Variants in CDH12 observed in about 807,000 individuals in gnomAD.
CDH12 encodes the protein cadherin 12, also known as cadherin-12.
CDH12 carries 41 observed loss-of-function variants against 74.1 expected under a neutral mutation model. That is an observed-to-expected ratio of 0.55 (90% CI 0.43 to 0.72). The LOEUF (loss-of-function observed/expected upper bound fraction) is 0.72. Among genes scored for constraint, CDH12 ranks in the 30% least tolerant of loss-of-function variants. The pLI, the probability that CDH12 is intolerant of heterozygous loss-of-function variation, is 0.00. For synonymous variants in CDH12, 399 were observed against 355.0 expected, an observed-to-expected ratio of 1.12 and a Z score of -1.39; for missense variants, 945 against 977.2, an observed-to-expected ratio of 0.97 and a Z score of 0.44.
chr5:22,103,150 C>T (rs1744244701), intron 4 of CDH12, among the ~76,000 whole-genome samples: 1 of 152,176 alleles, frequency 6.6e-6, no homozygotes, highest in East Asian at 1.9e-4. Flanking sequence ...AAAAGCCATA[C>T]TACCATGACA....
intron 5 of CDH12, among the ~76,000 whole-genome samples, chr5:22,001,109 T>C (rs1736577641): frequency 6.6e-6 from 1 of 152,180 alleles, no homozygotes; most frequent in South Asian, 2.1e-4. Flanking sequence ...CATTAATTGT[T>C]GTAGCTTTCA....
At chr5:22,847,928 G>C (rs959980990) in intron 1 of CDH12, among the ~76,000 whole-genome samples, 3 of 151,254 alleles carry the variant, frequency 2.0e-5, no homozygotes, top group African/African-American at 7.3e-5. Context: ...CTGTCGCCCA[G>C]GCTGGAGAGC....
At chr5:22,835,891 G>A (rs903820099) in intron 1 of CDH12, among the ~76,000 whole-genome samples, 1 of 152,062 alleles carries the variant, frequency 6.6e-6, no homozygotes, top group Non-Finnish European at 1.5e-5. Context: ...TCTCCTTCAG[G>A]GAAGTGATTG....
intron 2 of CDH12, among the ~76,000 whole-genome samples, chr5:22,443,031 C>G: frequency 6.6e-6 from 1 of 152,080 alleles, no homozygotes; most frequent in East Asian, 1.9e-4. Context: ...CAGGTTCATT[C>G]AAGAAGAACA....
intron 5 of CDH12, among the ~76,000 whole-genome samples, chr5:22,005,287 C>A (rs892483608): frequency 2.4e-4 from 36 of 152,148 alleles, no homozygotes; most frequent in Non-Finnish European, 4.9e-4. Context: ...AGGTGATCCG[C>A]CCACCTCGGC....
At chr5:21,828,156 T>C (rs1357349046) in intron 8 of CDH12, among the ~76,000 whole-genome samples, 1 of 151,258 alleles carries the variant, frequency 6.6e-6, no homozygotes, top group Non-Finnish European at 1.5e-5. Context: ...GGAGTCTCAC[T>C]CTGTTGCCCA....
At chr5:21,880,580 C>CTTCCTTCCCTTCTTTCT (rs1752228422) in intron 6 of CDH12, among the ~76,000 whole-genome samples, 1 of 41,340 alleles carries the variant, frequency 2.4e-5, no homozygotes, top group African/African-American at 9.5e-5. Context: ...TCTTTCCTTC[C>CTTCCTTCCCTTCTTTCT]TTCCTTCCTT....
chr5:22,149,251 T>A (rs1747414797), intron 4 of CDH12, among the ~76,000 whole-genome samples: 1 of 152,336 alleles, frequency 6.6e-6, no homozygotes, highest in Non-Finnish European at 1.5e-5. Flanking sequence ...TACCAAGGAT[T>A]AGAATGTGAA....
chr5:21,963,265 T>C (rs377044738), intron 6 of CDH12, among the ~76,000 whole-genome samples: 338 of 152,216 alleles, frequency 2.2e-3, no homozygotes, highest in Non-Finnish European at 3.6e-3. Flanking sequence ...ACTGAATACC[T>C]AACAGGAAGT....
At chr5:22,490,511 A>G (rs1746816127) in intron 2 of CDH12, among the ~76,000 whole-genome samples, 1 of 152,122 alleles carries the variant, frequency 6.6e-6, no homozygotes, top group African/African-American at 2.4e-5. Context: ...GTGCTGATAA[A>G]TATCCCCCAT....
intron 3 of CDH12, among the ~76,000 whole-genome samples, chr5:22,370,724 G>C (rs534430031): frequency 2.0e-5 from 3 of 152,022 alleles, no homozygotes; most frequent in Non-Finnish European, 4.4e-5. Flanking sequence ...AGGAAACCTT[G>C]GTATGCTTGA....
At chr5:22,228,119 T>A (rs938601914) in intron 3 of CDH12, among the ~76,000 whole-genome samples, 3 of 152,098 alleles carry the variant, frequency 2.0e-5, no homozygotes, top group Non-Finnish European at 4.4e-5. Context: ...AGAATATTTA[T>A]GAAGACAAAA....
intron 3 of CDH12, among the ~76,000 whole-genome samples, chr5:22,333,171 A>T (rs932303941): frequency 1.3e-5 from 2 of 152,216 alleles, no homozygotes; most frequent in Admixed American, 1.3e-4. Flanking sequence ...TTGCAGGGAC[A>T]TGGATAAAGC....
At chr5:21,777,670 T>C (rs952846884) in intron 11 of CDH12, among the ~76,000 whole-genome samples, 2 of 152,226 alleles carry the variant, frequency 1.3e-5, no homozygotes, top group Non-Finnish European at 2.9e-5. Context: ...TTTGTGTTTT[T>C]AGTAGAGACA....
At chr5:22,730,239 C>T (rs994397597) in intron 1 of CDH12, among the ~76,000 whole-genome samples, 1 of 151,724 alleles carries the variant, frequency 6.6e-6, no homozygotes, top group African/African-American at 2.4e-5. Context: ...GAAATTAACT[C>T]ATTTTATCCT....
chr5:21,854,713 T>A lies in CDH12; in HGVS notation c.604A>T (p.Ile202Phe). The change falls in exon 7 of 15, where the codon ATT becomes TTT. Residue 202 changes from isoleucine to phenylalanine, a missense_variant. By Grantham distance (21) the Ile-to-Phe change is conservative. Transcript: ENST00000382254. ...GAGAAATAAGGTTGTCCCTGAAGAA[T>A]GCTGTAAACGACTCTGGCACTGTTT... Reference protein sequence around the residue: ...YGNSARVVYSILQGQPYFSID... With the variant: ...YGNSARVVYSFLQGQPYFSID... 1 of 1,587,932 alleles carries A rather than the reference T, an allele frequency of 6.3e-7. No individual in the cohort carries two copies.
At chr5:22,528,023 G>C (rs1004481901) in intron 1 of CDH12, among the ~76,000 whole-genome samples, 1 of 151,986 alleles carries the variant, frequency 6.6e-6, no homozygotes, top group African/African-American at 2.4e-5. Context: ...GTATAAACTA[G>C]AAAACTCAAG....
chr5:22,851,211 A>G (rs1459109027), intron 1 of CDH12, among the ~76,000 whole-genome samples: 1 of 151,950 alleles, frequency 6.6e-6, no homozygotes, highest in Non-Finnish European at 1.5e-5. Flanking sequence ...CCTCCCCCCA[A>G]CAATAATGCA....
intron 5 of CDH12, among the ~76,000 whole-genome samples, chr5:22,071,419 T>C (rs1408969280): frequency 6.6e-6 from 1 of 152,174 alleles, no homozygotes; most frequent in Non-Finnish European, 1.5e-5. Context: ...AAGTCACCTC[T>C]GGATCACTAG....
Sources: allele counts gnomAD v4.1 joint callset (sites outside exome capture counted in the v4.1 genomes callset), GRCh38; gene constraint gnomAD v4.1.1; transcripts MANE v1.5; gene names NCBI Gene and HGNC (gene_info 2026-07-23, HGNC 2026-07-21).